LUZP2: variants seen among roughly 807,000 people sequenced by gnomAD.
LUZP2 encodes the protein leucine zipper protein 2.
A neutral mutation model predicts 51.6 loss-of-function variants in LUZP2; 52 were observed. The ratio of observed to expected loss-of-function variants is 1.01; its 90% CI spans 0.81 to 1.27. The LOEUF (loss-of-function observed/expected upper bound fraction) is 1.27, where lower values mean the gene tolerates loss of function less well. Among genes scored for constraint, LUZP2 ranks in the 50% most tolerant of loss-of-function variants. The pLI is 0.00. For missense variants in LUZP2, 436 were observed against 395.4 expected, an observed-to-expected ratio of 1.10 and a Z score of -0.87; for synonymous variants, 154 against 137.3, an observed-to-expected ratio of 1.12 and a Z score of -0.85.
At chr11:24,512,867 A>C (rs1850355028) in intron 1 of LUZP2, among the ~76,000 whole-genome samples, 1 of 151,460 alleles carries the variant, frequency 6.6e-6, no homozygotes, top group Admixed American at 6.6e-5. Context: ...CTCCTGCCTC[A>C]GCCCCCCGAG....
intron 9 of LUZP2, among the ~76,000 whole-genome samples, chr11:25,043,906 ACTCTACATATATCTGATATATATATAGTC>A (rs1184349107): frequency 1.5e-5 from 2 of 135,870 alleles, no homozygotes; most frequent in African/African-American, 5.3e-5. Flanking sequence ...ATATATATGT[ACTCTACATATATCTGATATATATATAGTC>A]CTCTACATAT....
chr11:24,783,695 C>T (rs1018788193), intron 5 of LUZP2, among the ~76,000 whole-genome samples: 1 of 152,054 alleles, frequency 6.6e-6, no homozygotes. Context: ...AGAGAACTGA[C>T]CCTACTGTTT....
chr11:24,753,932 A>T (rs1222482233), intron 4 of LUZP2, among the ~76,000 whole-genome samples: 1 of 152,142 alleles, frequency 6.6e-6, no homozygotes, highest in African/African-American at 2.4e-5. Context: ...AAATAGAGCA[A>T]ACTGGTTTGG....
intron 4 of LUZP2, among the ~76,000 whole-genome samples, chr11:24,755,357 T>C (rs1859735832): frequency 6.6e-6 from 1 of 152,126 alleles, no homozygotes; most frequent in South Asian, 2.1e-4. Context: ...GTCTTAGAAG[T>C]GCTTTCTGTT....
At chr11:25,015,243 C>A (rs1857115820) in intron 9 of LUZP2, among the ~76,000 whole-genome samples, 1 of 152,072 alleles carries the variant, frequency 6.6e-6, no homozygotes, top group Non-Finnish European at 1.5e-5. Context: ...GTTTGGAATA[C>A]CTCTACACTT....
intron 1 of LUZP2, among the ~76,000 whole-genome samples, chr11:24,656,379 A>T (rs1855804364): frequency 6.6e-6 from 1 of 152,218 alleles, no homozygotes; most frequent in African/African-American, 2.4e-5. Flanking sequence ...ATCAGTTTAG[A>T]TAGGTAGATA....
rs1237169182 is a variant in LUZP2, at chr11:24,769,705, T to G, written c.396+6397T>G. ...TCTATGGTGGTCTATTTTTTTTTTT[T>G]TGGGATTATAATTGATTTGTTTCCT... On this transcript the variant is annotated intron_variant, in intron 5 of 11. Coordinates refer to ENST00000336930, the MANE Select transcript of LUZP2 (RefSeq NM_001009909.4). Among the ~76,000 whole-genome samples the G allele has an allele frequency of 1.6e-4, 18 of 111,876 alleles. No homozygotes were observed. In the East Asian group the frequency reaches 3.4e-3, roughly 21 times the overall value. The allele number at this position is 111,876 out of a possible 152,430, so 73.4% of individuals were successfully genotyped here.
chr11:25,024,817 A>G (rs533337063), intron 9 of LUZP2, among the ~76,000 whole-genome samples: 2 of 148,122 alleles, frequency 1.4e-5, no homozygotes, highest in Non-Finnish European at 3.0e-5. Flanking sequence ...TATGGAACCA[A>G]AAAAGAGCCC....
At chr11:24,504,348 T>C (rs1475351592) in intron 1 of LUZP2, among the ~76,000 whole-genome samples, 1 of 152,200 alleles carries the variant, frequency 6.6e-6, no homozygotes, top group African/African-American at 2.4e-5. Flanking sequence ...TTGGTTTACA[T>C]TTCTCTACAC....
chr11:25,058,203 G>A (rs1274854837), intron 10 of LUZP2, among the ~76,000 whole-genome samples: 2 of 151,990 alleles, frequency 1.3e-5, no homozygotes, highest in African/African-American at 4.8e-5. Flanking sequence ...AATAGTGTAG[G>A]AATGATAGGT....
At chr11:25,011,452 A>G (rs1856981474) in intron 9 of LUZP2, among the ~76,000 whole-genome samples, 1 of 152,176 alleles carries the variant, frequency 6.6e-6, no homozygotes, top group Non-Finnish European at 1.5e-5. Flanking sequence ...AATAGGGACA[A>G]CTTTGCTTTA....
At chr11:24,588,426 G>A (rs953465083) in intron 1 of LUZP2, among the ~76,000 whole-genome samples, 2 of 152,074 alleles carry the variant, frequency 1.3e-5, no homozygotes, top group South Asian at 2.1e-4. Flanking sequence ...AGTGTCAAGA[G>A]CAATGGATTT....
chr11:24,758,497 TA>T (rs1367428549), intron 4 of LUZP2, among the ~76,000 whole-genome samples: 1 of 152,088 alleles, frequency 6.6e-6, no homozygotes, highest in Non-Finnish European at 1.5e-5. Context: ...TTTTTCTCCC[TA>T]TTTGAAGATT....
intron 5 of LUZP2, among the ~76,000 whole-genome samples, chr11:24,818,723 A>T (rs1355142949): frequency 6.6e-6 from 1 of 152,068 alleles, no homozygotes; most frequent in East Asian, 1.9e-4. Flanking sequence ...CTGCTTATCT[A>T]TACAGGTTCA....
At chr11:24,960,782 C>T (rs1046987901) in intron 7 of LUZP2, among the ~76,000 whole-genome samples, 2 of 152,090 alleles carry the variant, frequency 1.3e-5, no homozygotes, top group Non-Finnish European at 2.9e-5. Context: ...TTCTTGCCTT[C>T]TGCTAGCTTT....
At chr11:24,959,347 G>T (rs1028233380) in intron 7 of LUZP2, among the ~76,000 whole-genome samples, 3 of 152,120 alleles carry the variant, frequency 2.0e-5, no homozygotes, top group Admixed American at 6.6e-5. Flanking sequence ...ACCTTGGGCA[G>T]TATGGCCATT....
At chr11:25,025,229 G>C (rs964989345) in intron 9 of LUZP2, among the ~76,000 whole-genome samples, 1 of 151,958 alleles carries the variant, frequency 6.6e-6, no homozygotes, top group Non-Finnish European at 1.5e-5. Context: ...TCAGGTCATA[G>C]GCATAGGCAA....
rs939830396 is a variant in LUZP2, at chr11:24,875,094, CT to C, written c.397-30888del. Among the ~76,000 whole-genome samples, 656 of 151,222 alleles carry C rather than the reference CT, an allele frequency of 4.3e-3. 5 individuals carry two copies. The highest frequency in any genetic ancestry group is 0.015 in the African/African-American group (601 of 41,232). ...ATTAAGGAAAAGTATTTACACTCCT[CT>C]TTTTTTTTATTTTATTATTATTATA... On this transcript the variant is annotated intron_variant, in intron 5 of 11. Coordinates refer to ENST00000336930, the MANE Select transcript of LUZP2 (RefSeq NM_001009909.4).
At chr11:24,991,908 TG>T (rs1445390043) in intron 9 of LUZP2, among the ~76,000 whole-genome samples, 1 of 152,100 alleles carries the variant, frequency 6.6e-6, no homozygotes, top group Non-Finnish European at 1.5e-5. Flanking sequence ...CACTTTTTGA[TG>T]GGATTCTTTG....
Sources: gnomAD v4.1 joint callset for allele counts (sites outside exome capture counted in the v4.1 genomes callset) on GRCh38, gnomAD v4.1.1 for gene constraint, MANE v1.5 for transcripts, NCBI Gene and HGNC (gene_info 2026-07-23, HGNC 2026-07-21) for gene names.